Variants in AUTS2 observed in about 807,000 individuals in gnomAD.
AUTS2 encodes activator of transcription and developmental regulator AUTS2, also known as autism susceptibility gene 2 protein.
Under a neutral mutation model 112.4 loss-of-function variants are expected in AUTS2, and 17 were observed. The observed-to-expected ratio is 0.15, with a 90% CI of 0.10 to 0.23. The LOEUF is 0.23. Ranked by LOEUF, AUTS2 falls within the 10% of genes least tolerant of loss-of-function variation. The probability of loss-of-function intolerance (pLI) is 1.00; values close to 1 mark genes in which losing one functional copy is unlikely to be tolerated. For synonymous variants in AUTS2, 751 were observed against 702.7 expected, an observed-to-expected ratio of 1.07 and a Z score of -1.09; for missense variants, 1,510 against 1,701.6, an observed-to-expected ratio of 0.89 and a Z score of 1.98.
At chr7:69,605,679 C>G (rs1008112389) in intron 1 of AUTS2, among the ~76,000 whole-genome samples, 2 of 152,182 alleles carry the variant, frequency 1.3e-5, no homozygotes, top group Non-Finnish European at 2.9e-5. Context: ...GGGTCAGAAC[C>G]GCTCTTTTGC....
rs566522634 is a variant in AUTS2, at chr7:69,876,350, ATATATATAT to A, written c.310-22935_310-22927del. Among the ~76,000 whole-genome samples the A allele has an allele frequency of 9.4e-3, 248 of 26,438 alleles. 1 individual carries two copies. Among genetic ancestry groups the A allele is most frequent in the Non-Finnish European group, 0.011 (178 of 16,304 alleles). 17.3% of individuals were successfully genotyped at this position (26,438 alleles called of 152,430 possible). A position where few individuals can be genotyped will look rare whatever the true frequency, so the allele number is the denominator to read the frequency against. ...CAAAAAAAAAAAAAAAAAAAAAAAAATATATATATATATATATATATATATATATATATG... is the reference window on the plus strand; with the variant it reads ...CAAAAAAAAAAAAAAAAAAAAAAAAAATATATATATATATATATATATATG... On this transcript the variant is annotated intron_variant, in intron 1 of 18. Coordinates refer to ENST00000342771, the MANE Select transcript of AUTS2 (RefSeq NM_015570.4).
chr7:70,484,874 T>A (rs1797924688), intron 5 of AUTS2, among the ~76,000 whole-genome samples: 1 of 152,064 alleles, frequency 6.6e-6, no homozygotes, highest in Non-Finnish European at 1.5e-5. Context: ...AATAAACATA[T>A]GAAAAAATGC....
intron 3 of AUTS2, among the ~76,000 whole-genome samples, chr7:70,133,356 A>G (rs189464331): frequency 6.4e-4 from 97 of 152,286 alleles, no homozygotes; most frequent in African/African-American, 2.2e-3. Flanking sequence ...TAATCCATCC[A>G]TTCATTTATT....
intron 5 of AUTS2, among the ~76,000 whole-genome samples, chr7:70,511,615 G>T (rs1031188471): frequency 7.5e-5 from 7 of 93,484 alleles, no homozygotes; most frequent in African/African-American, 2.9e-4. Flanking sequence ...TCACTCTGTT[G>T]TCCAGGCTGG....
chr7:70,545,584 G>A (rs35977255), intron 5 of AUTS2, among the ~76,000 whole-genome samples: 10,850 of 152,196 alleles, frequency 0.071, 458 homozygotes, highest in African/African-American at 0.1. Flanking sequence ...AAAATGGTCC[G>A]TTCATGTTTG....
chr7:69,954,531 A>T (rs193051531), intron 2 of AUTS2, among the ~76,000 whole-genome samples: 1 of 152,210 alleles, frequency 6.6e-6, no homozygotes, highest in Non-Finnish European at 1.5e-5. Context: ...GTAGGCTCGA[A>T]CTCCTGGGCT....
At chr7:69,927,201 T>TATAC in intron 2 of AUTS2, among the ~76,000 whole-genome samples, 1 of 147,694 alleles carries the variant, frequency 6.8e-6, no homozygotes, top group African/African-American at 2.5e-5. Flanking sequence ...TATATATATA[T>TATAC]ATATACATAC....
intron 3 of AUTS2, 132 bp downstream of exon 3, chr7:70,118,365 C>T (rs1368599000): frequency 1.3e-5 from 14 of 1,079,364 alleles, no homozygotes; most frequent in Admixed American, 3.4e-5. Flanking sequence ...CCAAGCATTG[C>T]GGTTCACATT....
At chr7:70,273,035 C>T (rs939361808) in intron 4 of AUTS2, among the ~76,000 whole-genome samples, 1 of 152,058 alleles carries the variant, frequency 6.6e-6, no homozygotes, top group Non-Finnish European at 1.5e-5. Flanking sequence ...AGTATCTGCA[C>T]TTTGTGTCTG....
intron 5 of AUTS2, among the ~76,000 whole-genome samples, chr7:70,567,238 G>A (rs1801745533): frequency 1.3e-5 from 2 of 152,168 alleles, no homozygotes; most frequent in Admixed American, 6.5e-5. Flanking sequence ...GACCTGAAAT[G>A]GGCACACCTC....
chr7:70,538,100 G>A (rs548739610), intron 5 of AUTS2, among the ~76,000 whole-genome samples: 1 of 152,108 alleles, frequency 6.6e-6, no homozygotes, highest in Non-Finnish European at 1.5e-5. Context: ...AGCCAGGTGT[G>A]ATGGCGTGCA....
chr7:70,695,236 C>A (rs1384654126), intron 5 of AUTS2, among the ~76,000 whole-genome samples: 1 of 152,166 alleles, frequency 6.6e-6, no homozygotes, highest in Non-Finnish European at 1.5e-5. Context: ...CCCTCTGCGG[C>A]CCTGTCGCCC....
At chr7:70,487,636 C>T (rs1017161528) in intron 5 of AUTS2, among the ~76,000 whole-genome samples, 10 of 152,058 alleles carry the variant, frequency 6.6e-5, no homozygotes, top group African/African-American at 1.9e-4. Flanking sequence ...AGTGGAAGTG[C>T]GCATGCTAAA....
chr7:69,754,132 T>C (rs1383893298), intron 1 of AUTS2, among the ~76,000 whole-genome samples: 1 of 152,156 alleles, frequency 6.6e-6, no homozygotes, highest in Non-Finnish European at 1.5e-5. Flanking sequence ...GTGACTCAAC[T>C]GGAAGAGGAG....
intron 6 of AUTS2, among the ~76,000 whole-genome samples, chr7:70,728,908 C>T (rs1585582939): frequency 6.6e-6 from 1 of 152,170 alleles, no homozygotes; most frequent in African/African-American, 2.4e-5. Flanking sequence ...CAGATCGTTT[C>T]CTTAACAATG....
At position 70,790,464 on chromosome 7, in the gene AUTS2, A is replaced by C; in HGVS notation, c.3248A>C (p.Asp1083Ala). The C allele has an allele frequency of 6.2e-7, 1 of 1,612,254 alleles. No individual in the cohort carries two copies. Among genetic ancestry groups the C allele is most frequent in the Non-Finnish European group, 8.5e-7 (1 of 1,179,082 alleles). The change falls in exon 19 of 19, where the codon GAC becomes GCC. Residue 1083 changes from aspartate (D) to alanine (A), a missense_variant. Asp to Ala is a moderately radical substitution (Grantham distance 126, BLOSUM62 -2). Transcript: ENST00000342771. This position sits in a 1 kb window ranked among gnomAD's most constrained non-coding sequence, Gnocchi z 7.6. ...DPLRDPYREL[D>A]IHRRDPLGRD... ...TTGAGGGATCCTTACCGAGAACTTG[A>C]CATTCACCGGAGAGACCCGCTGGGC...
At chr7:70,601,021 A>C (rs150386275) in intron 5 of AUTS2, among the ~76,000 whole-genome samples, 3 of 152,272 alleles carry the variant, frequency 2.0e-5, no homozygotes, top group African/African-American at 7.2e-5. Flanking sequence ...TATTTCTTCA[A>C]TTCTCTTGGG....
intron 4 of AUTS2, among the ~76,000 whole-genome samples, chr7:70,366,013 A>AT (rs1792553115): frequency 6.6e-6 from 1 of 152,236 alleles, no homozygotes; most frequent in Non-Finnish European, 1.5e-5. Context: ...ATCATGCTAT[A>AT]TTGTAGGGCT....
chr7:70,787,024 A>ACC lies in AUTS2; in HGVS notation c.2309-184_2309-183dup, dbSNP rs1451897393. The ACC allele has an allele frequency of 4.3e-6, 3 of 696,178 alleles. No homozygotes were observed. The African/African-American group carries it at 5.4e-5, about 13-fold the overall frequency. The allele number at this position is 696,178 out of a possible 1,614,324, so 43.1% of individuals were successfully genotyped here. ...AAAAGAAAAAAAAAAGCTGTGAGCTACCTCTCCAGTGTAGGACAAGACTTC... is the reference window on the plus strand; with the variant it reads ...AAAAGAAAAAAAAAAGCTGTGAGCTACCCCTCTCCAGTGTAGGACAAGACTTC... On this transcript the variant is annotated intron_variant, in intron 17 of 18. Transcript: ENST00000342771.
Sources: allele counts gnomAD v4.1 joint callset (sites outside exome capture counted in the v4.1 genomes callset), GRCh38; gene constraint gnomAD v4.1.1; non-coding constraint Gnocchi (gnomAD v3.1); transcripts MANE v1.5; gene names NCBI Gene and HGNC (gene_info 2026-07-23, HGNC 2026-07-21).